Variants in HSF2BP observed in about 807,000 individuals in gnomAD.
The protein encoded by HSF2BP is heat shock factor 2-binding protein.
A neutral mutation model predicts 35.0 loss-of-function variants in HSF2BP; 35 were observed. That is an observed-to-expected ratio of 1.00 (90% CI 0.76 to 1.32). The LOEUF (loss-of-function observed/expected upper bound fraction) is 1.32. HSF2BP is among the 40% of genes most tolerant of loss of function. The pLI, the probability that HSF2BP is intolerant of heterozygous loss-of-function variation, is 0.00. For missense variants in HSF2BP, 326 were observed against 321.7 expected (o/e 1.01, Z -0.10); for synonymous variants, 114 against 117.4 (o/e 0.97, Z 0.18).
At chr21:43,591,757 T>C (rs2081927990) in intron 8 of HSF2BP, among the ~76,000 whole-genome samples, 1 of 152,146 alleles carries the variant, frequency 6.6e-6, no homozygotes, top group Admixed American at 6.5e-5. Flanking sequence ...AATTCTTAAG[T>C]TTTAAATTGC....
intron 8 of HSF2BP, among the ~76,000 whole-genome samples, chr21:43,535,706 TAATAAAATAAAATAAAATAA>T (rs71195930): frequency 3.5e-4 from 1 of 2,830 alleles, no homozygotes; most frequent in African/African-American, 2.4e-3. Context: ...TAAAATAAAA[TAATAAAATAAAATAAAATAA>T]AATAAAATAA....
the HSF2BP span, among the ~76,000 whole-genome samples, chr21:43,467,904 C>T: frequency 1.5e-4 from 11 of 74,522 alleles, no homozygotes; most frequent in Admixed American, 1.3e-3. Flanking sequence ...ACCACACACA[C>T]GCACCACACA....
chr21:43,635,645 G>A (rs771772078), intron 4 of HSF2BP, among the ~76,000 whole-genome samples: 2 of 152,200 alleles, frequency 1.3e-5, no homozygotes, highest in Middle Eastern at 3.4e-3. Flanking sequence ...GGCCGGGTGC[G>A]GTGGCTCACA....
intron 7 of HSF2BP, among the ~76,000 whole-genome samples, chr21:43,595,407 A>G (rs891821222): frequency 1.3e-5 from 2 of 152,074 alleles, no homozygotes; most frequent in Non-Finnish European, 2.9e-5. Context: ...GCTTATCATC[A>G]CAACACTTTC....
intron 8 of HSF2BP, among the ~76,000 whole-genome samples, chr21:43,579,226 C>A (rs1422058938): frequency 1.3e-5 from 2 of 152,188 alleles, no homozygotes; most frequent in Non-Finnish European, 2.9e-5. Flanking sequence ...CTCACAACAA[C>A]AATCCTAAAC....
chr21:43,467,740 A>ACACACCACACCAC, the HSF2BP span, among the ~76,000 whole-genome samples: 1 of 97,332 alleles, frequency 1.0e-5, no homozygotes, highest in Non-Finnish European at 2.1e-5. Flanking sequence ...ACCACACCAC[A>ACACACCACACCAC]AACCACACAC....
intron 7 of HSF2BP, among the ~76,000 whole-genome samples, chr21:43,608,339 C>A (rs1278023263): frequency 6.6e-6 from 1 of 152,036 alleles, no homozygotes; most frequent in Non-Finnish European, 1.5e-5. Context: ...GCCAACGAAA[C>A]ATGAAAAAAT....
rs73223090 is a variant in HSF2BP at position 43,608,343 on chromosome 21, A to T, written c.692+5487T>A. ...ACATATAAGCAGCCAACGAAACATG[A>T]AAAAATGCCCAACATCACTAGTCAT... On this transcript the variant is annotated intron_variant, in intron 7 of 8. Coordinates refer to ENST00000291560, the MANE Select transcript of HSF2BP (RefSeq NM_007031.2). Among the ~76,000 whole-genome samples, 421 of 152,242 alleles carry T rather than the reference A, an allele frequency of 2.8e-3. 3 individuals are homozygous for T. Among genetic ancestry groups the T allele is most frequent in the Non-Finnish European group, 3.9e-3 (267 of 68,016 alleles).
intron 6 of HSF2BP, among the ~76,000 whole-genome samples, chr21:43,626,882 TTA>T (rs200072229): frequency 4.0e-5 from 6 of 150,648 alleles, no homozygotes; most frequent in African/African-American, 1.5e-4. Context: ...TTTTTTTTTT[TTA>T]AGAGACGGAG....
chr21:43,632,179 CCA>C (rs1224399633), intron 5 of HSF2BP, among the ~76,000 whole-genome samples: 58 of 110,772 alleles, frequency 5.2e-4, no homozygotes, highest in Non-Finnish European at 7.8e-4. Flanking sequence ...ACACGCTCCC[CCA>C]CACACACACA....
chr21:43,455,249 G>C, the HSF2BP span, among the ~76,000 whole-genome samples: 4 of 71,124 alleles, frequency 5.6e-5, 1 homozygote, highest in East Asian at 1.6e-3. Context: ...AGGGTAACTG[G>C]CCCCCCCCCA....
At chr21:43,640,548 G>A (rs539233572) in intron 4 of HSF2BP, among the ~76,000 whole-genome samples, 17 of 152,298 alleles carry the variant, frequency 1.1e-4, no homozygotes, top group African/African-American at 4.1e-4. Context: ...ACACACAAAT[G>A]AGTACATACA....
At chr21:43,657,871 G>A (rs2082898147) in intron 2 of HSF2BP, 190 bp downstream of exon 2, 3 of 985,370 alleles carry the variant, frequency 3.0e-6, no homozygotes, top group Non-Finnish European at 3.6e-6. Context: ...TGGGTTTGGA[G>A]GCGAAGTCGC....
Position 43,633,361 on chromosome 21 carries a change from C to G in HSF2BP, c.352G>C (p.Glu118Gln), listed in dbSNP as rs1363836162. 6.2e-7 allele frequency: 1 copy of G among 1,614,020 alleles called. No individual in the cohort carries two copies. Among genetic ancestry groups the G allele is most frequent in the Admixed American group, 1.7e-5 (1 of 59,984 alleles). ...GCTGCTCCCATTTCTGTACAATACT[C>G]TGCCTGCTGCAGGAGTTGCTGCTTC... ...EAKQQLLQQA[E>Q]YCTEMGAAAC... Residue 118 changes from glutamate to glutamine, a missense_variant, in exon 5 of 9, where the codon GAG becomes CAG. Glu to Gln is a conservative substitution (Grantham distance 29, BLOSUM62 2). Coordinates refer to ENST00000291560, the MANE Select transcript of HSF2BP (RefSeq NM_007031.2).
chr21:43,658,701 G>A (rs1275378323), intron 1 of HSF2BP, among the ~76,000 whole-genome samples: 1 of 152,244 alleles, frequency 6.6e-6, no homozygotes, highest in African/African-American at 2.4e-5. Context: ...TCTGGAATTA[G>A]CAAGCAGCCC....
At chr21:43,575,836 C>T (rs993251161) in intron 8 of HSF2BP, among the ~76,000 whole-genome samples, 65 of 152,050 alleles carry the variant, frequency 4.3e-4, no homozygotes, top group African/African-American at 1.4e-3. Context: ...ATTCAAAAGT[C>T]GGCCAGGCGC....
chr21:43,579,715 T>C (rs2081697548), intron 8 of HSF2BP, among the ~76,000 whole-genome samples: 1 of 152,178 alleles, frequency 6.6e-6, no homozygotes, highest in Non-Finnish European at 1.5e-5. Flanking sequence ...CTTTTCAGAG[T>C]TCATCAATAA....
intron 6 of HSF2BP, 118 bp downstream of exon 6, chr21:43,630,204 T>C (rs1204681866): frequency 2.6e-6 from 2 of 758,902 alleles, no homozygotes; most frequent in Non-Finnish European, 4.1e-6. Context: ...AAACATAATT[T>C]GTATATGCAC....
At chr21:43,575,530 AC>A (rs2081632296) in intron 8 of HSF2BP, among the ~76,000 whole-genome samples, 1 of 152,244 alleles carries the variant, frequency 6.6e-6, no homozygotes, top group African/African-American at 2.4e-5. Context: ...CTTACACTTG[AC>A]TAGCAATTCA....
Sources: allele counts gnomAD v4.1 joint callset (sites outside exome capture counted in the v4.1 genomes callset), GRCh38; gene constraint gnomAD v4.1.1; transcripts MANE v1.5; gene names NCBI Gene and HGNC (gene_info 2026-07-23, HGNC 2026-07-21).